Variants in SAMM50 observed in about 807,000 individuals in gnomAD.
The protein encoded by SAMM50 is SAMM50 sorting and assembly machinery component.
Under a neutral mutation model 66.9 loss-of-function variants are expected in SAMM50, and 47 were observed. The ratio of observed to expected loss-of-function variants is 0.70; its 90% CI spans 0.56 to 0.90. The LOEUF (loss-of-function observed/expected upper bound fraction) is 0.90, where lower values mean the gene tolerates loss of function less well. SAMM50 is among the 40% of genes least tolerant of loss of function. The probability of loss-of-function intolerance (pLI) is 0.00; values close to 1 mark genes in which losing one functional copy is unlikely to be tolerated. For synonymous variants in SAMM50, 191 were observed against 214.1 expected (o/e 0.89, Z 0.94); for missense variants, 535 against 595.3 (o/e 0.90, Z 1.05).
At chr22:43,984,098 C>G (rs1228076400) in intron 12 of SAMM50, 98 bp downstream of exon 12, 8 of 1,026,860 alleles carry the variant, frequency 7.8e-6, no homozygotes, top group South Asian at 6.8e-5. Context: ...ATAGACATTC[C>G]TCTTTCACGG....
At chr22:43,967,135 A>G (rs1025941226) in intron 3 of SAMM50, among the ~76,000 whole-genome samples, 2 of 152,060 alleles carry the variant, frequency 1.3e-5, no homozygotes, top group African/African-American at 4.8e-5. Flanking sequence ...TTGCTTTTCC[A>G]CAAGGATCAG....
intron 7 of SAMM50, chr22:43,974,875 AC>A (rs2050223193): frequency 6.6e-6 from 1 of 152,140 alleles, no homozygotes; most frequent in Non-Finnish European, 1.5e-5. Context: ...GAGTAGAAAT[AC>A]CTTATTTTTT....
chr22:43,963,541 T>A (rs1389481559), intron 2 of SAMM50, 145 bp downstream of exon 2: 1 of 470,164 alleles, frequency 2.1e-6, no homozygotes, highest in East Asian at 3.3e-5. Flanking sequence ...GAAAAACTGA[T>A]GACTCTTAGA....
intron 3 of SAMM50, among the ~76,000 whole-genome samples, chr22:43,965,118 C>T (rs553804213): frequency 6.6e-6 from 1 of 151,330 alleles, no homozygotes; most frequent in African/African-American, 2.4e-5. Context: ...CCAGCTGGCT[C>T]CTTTGTCTTC....
intron 3 of SAMM50, among the ~76,000 whole-genome samples, chr22:43,967,475 A>C (rs1320102225): frequency 2.0e-5 from 3 of 151,730 alleles, no homozygotes; most frequent in African/African-American, 7.3e-5. Flanking sequence ...CTTCTCATGC[A>C]CTCTACCTAG....
At chr22:43,961,122 A>C (rs563552371) in intron 1 of SAMM50, among the ~76,000 whole-genome samples, 10 of 152,332 alleles carry the variant, frequency 6.6e-5, no homozygotes, top group Non-Finnish European at 1.3e-4. Context: ...TCCGGGGAAA[A>C]GTGGATAGTA....
intron 11 of SAMM50, among the ~76,000 whole-genome samples, chr22:43,982,387 A>T (rs1433190908): frequency 6.6e-6 from 1 of 152,234 alleles, no homozygotes; most frequent in Admixed American, 6.5e-5. Flanking sequence ...TTCCAGATCT[A>T]TGTAATTATT....
intron 12 of SAMM50, among the ~76,000 whole-genome samples, chr22:43,986,043 CTTTT>C (rs550939157): frequency 8.2e-5 from 11 of 134,160 alleles, no homozygotes; most frequent in Non-Finnish European, 1.7e-4. Flanking sequence ...TTCTTTCTTT[CTTTT>C]TTTTTTTTTT....
intron 11 of SAMM50, among the ~76,000 whole-genome samples, 193 bp downstream of exon 11, chr22:43,981,654 GGAA>G (rs1454603953): frequency 6.6e-6 from 1 of 152,084 alleles, no homozygotes; most frequent in African/African-American, 2.4e-5. Flanking sequence ...CTTTTGTTGG[GGAA>G]GTTACTTTAT....
At chr22:43,972,146 C>T in intron 4 of SAMM50, 90 bp from the exon 5 acceptor site, 4 of 663,446 alleles carry the variant, frequency 6.0e-6, no homozygotes, top group Admixed American at 3.2e-5. Context: ...TAGAATGAAC[C>T]TTCAGATTGC....
At chr22:43,958,280 G>A (rs751669158) in intron 1 of SAMM50, among the ~76,000 whole-genome samples, 7 of 151,986 alleles carry the variant, frequency 4.6e-5, no homozygotes, top group Non-Finnish European at 7.4e-5. Context: ...TTGCATTTTC[G>A]TCTTATCCTT....
chr22:43,972,189 TA>T, intron 4 of SAMM50, 46 bp from the exon 5 acceptor site: 1 of 1,255,886 alleles, frequency 8.0e-7, no homozygotes, highest in Non-Finnish European at 1.1e-6. Flanking sequence ...GAACCCAAAG[TA>T]AAATAACATC....
At chr22:43,971,485 C>T (rs1430771047) in intron 4 of SAMM50, among the ~76,000 whole-genome samples, 1 of 152,162 alleles carries the variant, frequency 6.6e-6, no homozygotes, top group East Asian at 1.9e-4. Flanking sequence ...CACAGTAACA[C>T]AGTAAACAAT....
intron 3 of SAMM50, among the ~76,000 whole-genome samples, chr22:43,965,488 A>G (rs2050168388): frequency 1.3e-5 from 2 of 152,166 alleles, no homozygotes; most frequent in East Asian, 1.9e-4. Flanking sequence ...GATTACAGCC[A>G]TGAGCCACCG....
At chr22:43,957,361 T>A in intron 1 of SAMM50, 1 of 511,220 alleles carries the variant, frequency 2.0e-6, no homozygotes, top group Non-Finnish European at 3.6e-6. Flanking sequence ...TAATGAAAAG[T>A]CAATAAATCA....
chr22:43,959,422 C>T (rs2050137001), intron 1 of SAMM50, among the ~76,000 whole-genome samples: 1 of 151,780 alleles, frequency 6.6e-6, no homozygotes, highest in African/African-American at 2.4e-5. Flanking sequence ...ACATGGTGCT[C>T]AATACACACT....
At chr22:43,957,257 A>G (rs2146802808) in intron 1 of SAMM50, 2 of 664,172 alleles carry the variant, frequency 3.0e-6, no homozygotes, top group South Asian at 3.6e-5. Flanking sequence ...CACAGAAACA[A>G]TGGCATGATT....
intron 1 of SAMM50, among the ~76,000 whole-genome samples, chr22:43,962,403 T>G (rs181378330): frequency 5.1e-4 from 78 of 152,298 alleles, no homozygotes; most frequent in African/African-American, 1.4e-3. Flanking sequence ...TAGATATATA[T>G]AGAGAGATAG....
At chr22:43,968,226 C>CAAAAAAAAAAAAAAAA (rs66961907) in intron 3 of SAMM50, among the ~76,000 whole-genome samples, 20 of 68,614 alleles carry the variant, frequency 2.9e-4, no homozygotes, top group Non-Finnish European at 2.8e-4. Flanking sequence ...AACTCTGTCT[C>CAAAAAAAAAAAAAAAA]AAAAAAAAAA....
Sources: allele counts gnomAD v4.1 joint callset (sites outside exome capture counted in the v4.1 genomes callset), GRCh38; gene constraint gnomAD v4.1.1; transcripts MANE v1.5; gene names NCBI Gene and HGNC (gene_info 2026-07-23, HGNC 2026-07-21).